The following MAF variants were observed in gnomAD, a reference collection of about 807,000 sequenced individuals.
The protein encoded by MAF is MAF bZIP transcription factor.
MAF carries 10 observed loss-of-function variants against 22.0 expected under a neutral mutation model. That is an observed-to-expected ratio of 0.45 (90% CI 0.28 to 0.77). The LOEUF (loss-of-function observed/expected upper bound fraction) is 0.77, where lower values mean the gene tolerates loss of function less well. Ranked by LOEUF, MAF falls within the 30% of genes least tolerant of loss-of-function variation. The pLI, the probability that MAF is intolerant of heterozygous loss-of-function variation, is 0.12. For missense variants in MAF, 544 were observed against 548.4 expected, an observed-to-expected ratio of 0.99 and a Z score of 0.08; for synonymous variants, 337 against 255.8, an observed-to-expected ratio of 1.32 and a Z score of -3.03.
the MAF span, among the ~76,000 whole-genome samples, chr16:79,450,879 G>A: frequency 1.3e-5 from 2 of 151,620 alleles, no homozygotes; most frequent in African/African-American, 2.4e-5. Flanking sequence ...CAGCACAGAA[G>A]AAATTAAGAG....
chr16:79,580,838 A>G, the MAF span, among the ~76,000 whole-genome samples: 1 of 152,168 alleles, frequency 6.6e-6, no homozygotes, highest in Admixed American at 6.5e-5. Flanking sequence ...TAGAAGAAAA[A>G]TTTTAAAATA....
the MAF span, among the ~76,000 whole-genome samples, chr16:79,507,919 G>C: frequency 3.9e-5 from 6 of 152,124 alleles, no homozygotes; most frequent in African/African-American, 1.2e-4. Context: ...GAAAGCATTA[G>C]ACTTGGGTTT....
chr16:79,398,196 TCTC>T, the MAF span, among the ~76,000 whole-genome samples: 1 of 152,036 alleles, frequency 6.6e-6, no homozygotes, highest in Non-Finnish European at 1.5e-5. Context: ...TATTGCCACA[TCTC>T]CTCTCTCTTT....
chr16:79,251,526 A>G, the MAF span, among the ~76,000 whole-genome samples: 1 of 152,132 alleles, frequency 6.6e-6, no homozygotes, highest in Non-Finnish European at 1.5e-5. Context: ...CATGTTGGTC[A>G]GGTTGGTCTC....
the MAF span, among the ~76,000 whole-genome samples, chr16:79,233,213 G>C: frequency 6.6e-6 from 1 of 151,944 alleles, no homozygotes; most frequent in Non-Finnish European, 1.5e-5. Context: ...TAACTCATGG[G>C]AATATCAATG....
chr16:79,264,981 G>T, the MAF span, among the ~76,000 whole-genome samples: 4 of 152,132 alleles, frequency 2.6e-5, no homozygotes, highest in Non-Finnish European at 5.9e-5. Context: ...ACTCGCCTGT[G>T]ACTAATGCTG....
the MAF span, among the ~76,000 whole-genome samples, chr16:79,453,839 T>C: frequency 2.0e-5 from 3 of 152,210 alleles, no homozygotes; most frequent in African/African-American, 7.2e-5. Flanking sequence ...TCTTAAAGTC[T>C]GGACATCTTA....
At chr16:79,268,974 T>C in the MAF span, among the ~76,000 whole-genome samples, 1 of 152,236 alleles carries the variant, frequency 6.6e-6, no homozygotes, top group Non-Finnish European at 1.5e-5. Context: ...AATTAAGAGA[T>C]AAAAGCTCCT....
At chr16:79,574,076 G>C in the MAF span, among the ~76,000 whole-genome samples, 1 of 152,214 alleles carries the variant, frequency 6.6e-6, no homozygotes, top group Non-Finnish European at 1.5e-5. Context: ...TAAATGAGGC[G>C]TGAACTTCAC....
the MAF span, among the ~76,000 whole-genome samples, chr16:79,384,957 G>A: frequency 6.6e-6 from 1 of 152,124 alleles, no homozygotes; most frequent in Non-Finnish European, 1.5e-5. Flanking sequence ...AGACACTGAG[G>A]CCATATTTGA....
the MAF span, among the ~76,000 whole-genome samples, chr16:79,378,701 C>A: frequency 6.6e-6 from 1 of 152,130 alleles, no homozygotes; most frequent in Non-Finnish European, 1.5e-5. Context: ...TGAAATGTAT[C>A]TATCTTGTAA....
chr16:79,598,610 G>T, intron 1 of MAF, 175 bp downstream of exon 1: 1 of 1,412,956 alleles, frequency 7.1e-7, no homozygotes, highest in African/African-American at 1.5e-5. Context: ...GTGTGTGTGT[G>T]GTGTGTGCGT....
chr16:79,477,179 G>C, the MAF span, among the ~76,000 whole-genome samples: 2 of 152,194 alleles, frequency 1.3e-5, no homozygotes, highest in Admixed American at 1.3e-4. Context: ...GGCTGAAGCT[G>C]TCAATGACAC....
At chr16:79,495,095 T>C in the MAF span, among the ~76,000 whole-genome samples, 1 of 151,960 alleles carries the variant, frequency 6.6e-6, no homozygotes, top group South Asian at 2.1e-4. Context: ...CTAAACCAGG[T>C]AGTTTACAGT....
At chr16:79,493,325 G>A in the MAF span, among the ~76,000 whole-genome samples, 1 of 152,102 alleles carries the variant, frequency 6.6e-6, no homozygotes, top group Admixed American at 6.5e-5. Flanking sequence ...GGGATTACAG[G>A]TGCCTGCCAC....
chr16:79,443,796 A>G, the MAF span, among the ~76,000 whole-genome samples: 1 of 152,206 alleles, frequency 6.6e-6, no homozygotes, highest in Admixed American at 6.5e-5. Context: ...TAAAATGACA[A>G]TAATAGTCAC....
At chr16:79,431,128 G>C in the MAF span, among the ~76,000 whole-genome samples, 1 of 152,106 alleles carries the variant, frequency 6.6e-6, no homozygotes, top group African/African-American at 2.4e-5. Flanking sequence ...ACACAGCTTG[G>C]GGATTCATGT....
chr16:79,222,852 C>G, the MAF span, among the ~76,000 whole-genome samples: 717 of 152,272 alleles, frequency 4.7e-3, 4 homozygotes, highest in African/African-American at 0.016. Context: ...AATACCGGAG[C>G]ACCCAAACTC....
At chr16:79,329,751 T>C in the MAF span, among the ~76,000 whole-genome samples, 1 of 152,224 alleles carries the variant, frequency 6.6e-6, no homozygotes, top group Non-Finnish European at 1.5e-5. Context: ...CTATTCTTAT[T>C]GATCTATAGT....
Sources: allele counts gnomAD v4.1 joint callset (sites outside exome capture counted in the v4.1 genomes callset), GRCh38; gene constraint gnomAD v4.1.1; transcripts MANE v1.5; gene names NCBI Gene and HGNC (gene_info 2026-07-23, HGNC 2026-07-21).